Variants in DLC1 observed in about 807,000 individuals in gnomAD.
DLC1 encodes the protein DLC1 Rho GTPase activating protein.
DLC1 carries 54 observed loss-of-function variants against 140.3 expected under a neutral mutation model. The ratio of observed to expected loss-of-function variants is 0.38; its 90% CI spans 0.31 to 0.48. DLC1 has a LOEUF of 0.48. DLC1 is among the 20% of genes least tolerant of loss of function. The pLI is 0.96. For synonymous variants in DLC1, 986 were observed against 728.1 expected (o/e 1.35, Z -5.70); for missense variants, 2,536 against 1,907.0 (o/e 1.33, Z -6.14).
intron 2 of DLC1, among the ~76,000 whole-genome samples, chr8:13,490,621 TTGG>T (rs1396040088): frequency 6.6e-6 from 1 of 152,178 alleles, no homozygotes; most frequent in Non-Finnish European, 1.5e-5. Flanking sequence ...TGGTTGTTTG[TTGG>T]TATTAAAAGA....
At chr8:13,245,726 GA>G (rs1829736679) in intron 5 of DLC1, among the ~76,000 whole-genome samples, 2 of 152,022 alleles carry the variant, frequency 1.3e-5, no homozygotes, top group Non-Finnish European at 2.9e-5. Flanking sequence ...TTTTGAGACA[GA>G]GCTCACTCTG....
intron 5 of DLC1, among the ~76,000 whole-genome samples, chr8:13,138,044 G>C (rs918933706): frequency 6.6e-6 from 1 of 152,144 alleles, no homozygotes; most frequent in African/African-American, 2.4e-5. Flanking sequence ...GTGACTACTG[G>C]CTTTGGTTCC....
intron 5 of DLC1, among the ~76,000 whole-genome samples, chr8:13,208,755 C>G (rs1394503981): frequency 1.3e-5 from 2 of 150,354 alleles, no homozygotes; most frequent in Non-Finnish European, 2.9e-5. Flanking sequence ...GACACACACA[C>G]ACACACACAC....
chr8:13,242,765 G>A (rs1041829826), intron 5 of DLC1, among the ~76,000 whole-genome samples: 4 of 152,104 alleles, frequency 2.6e-5, no homozygotes, highest in African/African-American at 4.8e-5. Flanking sequence ...GATTCAATGT[G>A]TGTGTAAATC....
intron 2 of DLC1, among the ~76,000 whole-genome samples, chr8:13,457,445 G>A (rs1799446330): frequency 1.3e-5 from 2 of 152,018 alleles, no homozygotes; most frequent in East Asian, 1.9e-4. Context: ...TTGAGAGGCC[G>A]AGGCAGGCAG....
intron 4 of DLC1, among the ~76,000 whole-genome samples, chr8:13,349,107 G>A (rs1039392888): frequency 6.6e-6 from 1 of 152,130 alleles, no homozygotes; most frequent in African/African-American, 2.4e-5. Flanking sequence ...TTTACTCTCT[G>A]GAGACACTAA....
At chr8:13,464,324 C>T (rs1447612649) in intron 2 of DLC1, among the ~76,000 whole-genome samples, 5 of 152,088 alleles carry the variant, frequency 3.3e-5, no homozygotes, top group Non-Finnish European at 5.9e-5. Flanking sequence ...TCCTCTTGAC[C>T]ATGTGTTAGT....
At chr8:13,382,598 A>G (rs1405490932) in intron 4 of DLC1, among the ~76,000 whole-genome samples, 1 of 151,768 alleles carries the variant, frequency 6.6e-6, no homozygotes, top group Non-Finnish European at 1.5e-5. Flanking sequence ...GTTGGATTCA[A>G]AAATAAAACT....
intron 1 of DLC1, among the ~76,000 whole-genome samples, chr8:13,576,705 T>A (rs999715777): frequency 6.6e-6 from 1 of 152,068 alleles, no homozygotes; most frequent in Admixed American, 6.5e-5. Flanking sequence ...CCTCAGTGAG[T>A]GTGTCAAATG....
At chr8:13,101,810 A>C (rs1411243943) in intron 8 of DLC1, among the ~76,000 whole-genome samples, 1 of 152,184 alleles carries the variant, frequency 6.6e-6, no homozygotes, top group Non-Finnish European at 1.5e-5. Context: ...TTTGCTGATT[A>C]TGCCCGATTT....
chr8:13,224,271 T>C (rs962799518), intron 5 of DLC1, among the ~76,000 whole-genome samples: 6 of 152,184 alleles, frequency 3.9e-5, no homozygotes, highest in Non-Finnish European at 8.8e-5. Context: ...AGCAATGATA[T>C]TGGTTGTTTG....
chr8:13,146,828 C>G (rs1470613265), intron 5 of DLC1, among the ~76,000 whole-genome samples: 1 of 152,154 alleles, frequency 6.6e-6, no homozygotes. Context: ...AACCAAAGGA[C>G]ACTTCTGGTT....
intron 4 of DLC1, among the ~76,000 whole-genome samples, chr8:13,309,080 A>G (rs1249866976): frequency 1.3e-5 from 2 of 152,234 alleles, no homozygotes. Flanking sequence ...GAAAGCTCCA[A>G]TAAAAGGCAT....
chr8:13,339,646 A>G (rs932627394), intron 4 of DLC1: 3 of 152,204 alleles, frequency 2.0e-5, no homozygotes, highest in Non-Finnish European at 2.9e-5. Context: ...TTGCTTAACA[A>G]TCAGAACCTC....
intron 2 of DLC1, among the ~76,000 whole-genome samples, chr8:13,446,350 C>T (rs895715977): frequency 3.3e-5 from 5 of 152,136 alleles, no homozygotes; most frequent in Non-Finnish European, 5.9e-5. Flanking sequence ...TCTTTCTCTG[C>T]CATTTTCAAA....
chr8:13,348,030 A>G (rs1207627846), intron 4 of DLC1, among the ~76,000 whole-genome samples: 1 of 152,172 alleles, frequency 6.6e-6, no homozygotes, highest in Non-Finnish European at 1.5e-5. Flanking sequence ...CATAGCTTGC[A>G]GTCAGCCGAG....
rs77347820 is a variant in DLC1 at position 13,482,565 on chromosome 8, A to T, written c.1023+16484T>A. On this transcript the variant is annotated intron_variant, in intron 2 of 17. Transcript: ENST00000276297. ...TAGAAATCATGTTTTCTATCAAGCA[A>T]AATAAGGTACATTTAATGTAGAGAT... 5.4e-3 allele frequency among the ~76,000 whole-genome samples: 815 copies of T among 152,292 alleles called. 4 individuals are homozygous for T. The highest frequency in any genetic ancestry group is 0.018 in the African/African-American group (760 of 41,554).
intron 5 of DLC1, among the ~76,000 whole-genome samples, chr8:13,130,717 C>A (rs540053218): frequency 3.9e-5 from 6 of 152,190 alleles, no homozygotes; most frequent in Non-Finnish European, 2.9e-5. Flanking sequence ...ACATAAGTCA[C>A]CAAAACCACT....
chr8:13,436,965 T>C (rs1210578965), intron 2 of DLC1, among the ~76,000 whole-genome samples: 1 of 152,240 alleles, frequency 6.6e-6, no homozygotes, highest in East Asian at 1.9e-4. Context: ...AATGAATCTA[T>C]AAATATCTAT....
Sources: gnomAD v4.1 joint callset for allele counts (sites outside exome capture counted in the v4.1 genomes callset) on GRCh38, gnomAD v4.1.1 for gene constraint, MANE v1.5 for transcripts, NCBI Gene and HGNC (gene_info 2026-07-23, HGNC 2026-07-21) for gene names.